NBAS: variants seen among roughly 807,000 people sequenced by gnomAD.
NBAS encodes NBAS subunit of NRZ tethering complex, also known as NAG/BC035112 fusion.
NBAS carries 219 observed loss-of-function variants against 302.5 expected under a neutral mutation model. The ratio of observed to expected loss-of-function variants is 0.72; its 90% CI spans 0.65 to 0.81. The LOEUF (loss-of-function observed/expected upper bound fraction) is 0.81. Among genes scored for constraint, NBAS ranks in the 30% least tolerant of loss-of-function variants. The pLI, the probability that NBAS is intolerant of heterozygous loss-of-function variation, is 0.00. For synonymous variants in NBAS, 1,118 were observed against 1,021.6 expected, an observed-to-expected ratio of 1.09 and a Z score of -1.80; for missense variants, 2,932 against 2,841.6, an observed-to-expected ratio of 1.03 and a Z score of -0.72.
At chr2:14,877,288 G>T in the NBAS span, among the ~76,000 whole-genome samples, 1 of 152,116 alleles carries the variant, frequency 6.6e-6, no homozygotes, top group Non-Finnish European at 1.5e-5. Context: ...TAATGTGGCT[G>T]CTTCTCTGTC....
intron 38 of NBAS, among the ~76,000 whole-genome samples, chr2:15,316,213 G>A (rs1281166830): frequency 1.3e-5 from 2 of 152,160 alleles, no homozygotes; most frequent in Admixed American, 6.6e-5. Context: ...CAAGTTATAT[G>A]GCCAAAATCA....
rs1672855387 is a variant in NBAS at position 15,341,577 on chromosome 2, C to T, written c.4179+10415G>A. ...ATAGATAAAAAACAAAAATGTATTG[C>T]TTATTACAAACACAGTTATTTTAAA... On this transcript the variant is annotated intron_variant, in intron 35 of 51. Transcript: ENST00000281513. Among the ~76,000 whole-genome samples, 5 of 151,816 alleles carry T rather than the reference C, an allele frequency of 3.3e-5. No individual in the cohort carries two copies. In the South Asian group the frequency reaches 1.0e-3, roughly 32 times the overall value.
the NBAS span, among the ~76,000 whole-genome samples, chr2:14,827,807 T>C: frequency 6.6e-6 from 1 of 151,900 alleles, no homozygotes; most frequent in Non-Finnish European, 1.5e-5. Flanking sequence ...AGAGGGGAAG[T>C]GGGGAGTTCC....
intron 51 of NBAS, chr2:15,178,129 C>G: frequency 2.1e-6 from 1 of 470,556 alleles, no homozygotes; most frequent in South Asian, 1.5e-5. Context: ...TCTAGATTCT[C>G]CTTCCTTCTC....
the NBAS span, among the ~76,000 whole-genome samples, chr2:15,145,399 GTA>G: frequency 1.1e-4 from 8 of 72,062 alleles, no homozygotes; most frequent in Admixed American, 4.0e-4. Flanking sequence ...GTGTTTGTTT[GTA>G]TGTGTGTGTG....
the NBAS span, among the ~76,000 whole-genome samples, chr2:14,903,558 A>G: frequency 1.3e-5 from 2 of 152,316 alleles, no homozygotes; most frequent in South Asian, 2.1e-4. Flanking sequence ...ACTGAAATGC[A>G]TGAAAAGAAA....
intron 9 of NBAS, among the ~76,000 whole-genome samples, chr2:15,518,486 C>T (rs1461141681): frequency 6.6e-6 from 1 of 152,024 alleles, no homozygotes; most frequent in Non-Finnish European, 1.5e-5. Context: ...TTCAAAATAA[C>T]ATTTTGAAGC....
the NBAS span, among the ~76,000 whole-genome samples, chr2:14,788,339 T>C: frequency 1.4e-4 from 21 of 152,344 alleles, no homozygotes; most frequent in Admixed American, 1.3e-3. Flanking sequence ...TCATTCTCCA[T>C]CCAGCTTTGT....
chr2:15,268,573 T>C (rs969050527), intron 44 of NBAS, among the ~76,000 whole-genome samples: 3 of 152,220 alleles, frequency 2.0e-5, no homozygotes, highest in African/African-American at 7.2e-5. Flanking sequence ...ACATGATAGT[T>C]CTGCTGGACA....
At chr2:15,176,199 C>A (rs1664530724) in intron 51 of NBAS, among the ~76,000 whole-genome samples, 1 of 152,200 alleles carries the variant, frequency 6.6e-6, no homozygotes, top group African/African-American at 2.4e-5. Flanking sequence ...TGAAACTCTT[C>A]CCTTAGAAAA....
At chr2:15,484,489 C>A (rs1680547347) in intron 12 of NBAS, among the ~76,000 whole-genome samples, 1 of 152,114 alleles carries the variant, frequency 6.6e-6, no homozygotes, top group Admixed American at 6.5e-5. Context: ...TTATTTAAAT[C>A]CTACTGCTCA....
the NBAS span, among the ~76,000 whole-genome samples, chr2:15,112,194 G>A: frequency 6.6e-6 from 1 of 151,222 alleles, no homozygotes; most frequent in Non-Finnish European, 1.5e-5. Context: ...AGAGATGAAA[G>A]AATATAATTC....
the NBAS span, among the ~76,000 whole-genome samples, chr2:15,060,861 G>A: frequency 0.32 from 48,334 of 151,932 alleles, 8,090 homozygotes; most frequent in African/African-American, 0.42. Context: ...GGAGGCACAA[G>A]CCTCACTGCC....
At chr2:15,358,908 G>C (rs1047874327) in intron 32 of NBAS, among the ~76,000 whole-genome samples, 11 of 152,158 alleles carry the variant, frequency 7.2e-5, no homozygotes, top group African/African-American at 2.7e-4. Flanking sequence ...TCACAGTTCT[G>C]GCATGCGGGT....
intron 10 of NBAS, among the ~76,000 whole-genome samples, chr2:15,509,863 T>G (rs1393456198): frequency 6.6e-6 from 1 of 152,088 alleles, no homozygotes; most frequent in South Asian, 2.1e-4. Flanking sequence ...ACTTCCTTTT[T>G]TTTTGAGACG....
At chr2:14,807,440 CGTGTGTGTGTGTGAGTGT>C in the NBAS span, among the ~76,000 whole-genome samples, 1 of 128,526 alleles carries the variant, frequency 7.8e-6, no homozygotes, top group Admixed American at 7.6e-5. Flanking sequence ...TTTCAAATCC[CGTGTGTGTGTGTGAGTGT>C]GTGTGTGTGT....
chr2:14,916,137 C>T, the NBAS span, among the ~76,000 whole-genome samples: 1 of 152,056 alleles, frequency 6.6e-6, no homozygotes, highest in Non-Finnish European at 1.5e-5. Context: ...ATCAGGTTGT[C>T]ATACAGATTA....
chr2:14,923,135 G>A, the NBAS span, among the ~76,000 whole-genome samples: 1 of 152,212 alleles, frequency 6.6e-6, no homozygotes, highest in African/African-American at 2.4e-5. Context: ...CTGGGTGACA[G>A]AGCGAAACTC....
At chr2:15,479,487 T>C (rs948739225) in intron 12 of NBAS, among the ~76,000 whole-genome samples, 1 of 152,134 alleles carries the variant, frequency 6.6e-6, no homozygotes, top group Admixed American at 6.6e-5. Flanking sequence ...CCTTCCTACT[T>C]ACATTTTGGA....
Sources: gnomAD v4.1 joint callset for allele counts (sites outside exome capture counted in the v4.1 genomes callset) on GRCh38, gnomAD v4.1.1 for gene constraint, MANE v1.5 for transcripts, NCBI Gene and HGNC (gene_info 2026-07-23, HGNC 2026-07-21) for gene names.